Variants in RGS7 observed in about 807,000 individuals in gnomAD.
The protein encoded by RGS7 is regulator of G-protein signaling 7.
Under a neutral mutation model 81.1 loss-of-function variants are expected in RGS7, and 27 were observed. The ratio of observed to expected loss-of-function variants is 0.33; its 90% CI spans 0.25 to 0.46. The LOEUF (loss-of-function observed/expected upper bound fraction) is 0.46. RGS7 is among the 20% of genes least tolerant of loss of function. The probability of loss-of-function intolerance (pLI) is 1.00; values close to 1 mark genes in which losing one functional copy is unlikely to be tolerated. For synonymous variants in RGS7, 208 were observed against 207.7 expected (o/e 1.00, Z -0.01); for missense variants, 396 against 607.4 (o/e 0.65, Z 3.66).
At chr1:241,159,889 C>A (rs1400646096) in intron 2 of RGS7, among the ~76,000 whole-genome samples, 2 of 151,930 alleles carry the variant, frequency 1.3e-5, no homozygotes, top group Non-Finnish European at 2.9e-5. Context: ...GAAAGAAAAC[C>A]TGCTCCTTGG....
At chr1:240,902,431 C>T (rs1413786409) in intron 6 of RGS7, among the ~76,000 whole-genome samples, 2 of 152,088 alleles carry the variant, frequency 1.3e-5, no homozygotes, top group South Asian at 2.1e-4. Flanking sequence ...CTGGAGTACA[C>T]TATCATTACA....
At chr1:240,930,153 T>C (rs1025415182) in intron 6 of RGS7, among the ~76,000 whole-genome samples, 9 of 151,956 alleles carry the variant, frequency 5.9e-5, no homozygotes, top group Non-Finnish European at 1.3e-4. Flanking sequence ...AGTGAAATAA[T>C]GGCTGTTGAA....
At chr1:241,335,851 G>C (rs2082214342) in intron 2 of RGS7, among the ~76,000 whole-genome samples, 1 of 152,078 alleles carries the variant, frequency 6.6e-6, no homozygotes, top group African/African-American at 2.4e-5. Flanking sequence ...ATCAATATGG[G>C]GTTGTGGATT....
chr1:241,246,277 T>C (rs1413784573), intron 2 of RGS7, among the ~76,000 whole-genome samples: 1 of 151,910 alleles, frequency 6.6e-6, no homozygotes, highest in African/African-American at 2.4e-5. Flanking sequence ...GATATAATTA[T>C]AGAAGGGAAG....
chr1:241,162,648 G>A (rs987980259), intron 2 of RGS7, among the ~76,000 whole-genome samples: 5 of 152,156 alleles, frequency 3.3e-5, no homozygotes, highest in African/African-American at 1.2e-4. Flanking sequence ...CTCTCCCGCT[G>A]CCTTAAACCC....
At chr1:241,255,524 G>C (rs2077018817) in intron 2 of RGS7, among the ~76,000 whole-genome samples, 1 of 152,158 alleles carries the variant, frequency 6.6e-6, no homozygotes, top group Non-Finnish European at 1.5e-5. Flanking sequence ...GAACTTGAGG[G>C]AACACAAGAA....
chr1:241,186,150 C>T (rs2072079756), intron 2 of RGS7, among the ~76,000 whole-genome samples: 1 of 152,084 alleles, frequency 6.6e-6, no homozygotes, highest in Non-Finnish European at 1.5e-5. Context: ...ATCACAAAGA[C>T]AGCATCAATA....
At chr1:241,257,712 C>T (rs896748330) in intron 2 of RGS7, among the ~76,000 whole-genome samples, 12 of 152,258 alleles carry the variant, frequency 7.9e-5, no homozygotes, top group South Asian at 2.1e-4. Context: ...CATTCTCCTA[C>T]CCTCCTTGCA....
At chr1:240,983,858 T>C (rs1471420880) in intron 3 of RGS7, among the ~76,000 whole-genome samples, 3 of 152,198 alleles carry the variant, frequency 2.0e-5, no homozygotes, top group Non-Finnish European at 4.4e-5. Flanking sequence ...ATTTGGAGCA[T>C]AGTAAGTGCT....
At chr1:240,905,441 A>G (rs1315139913) in intron 6 of RGS7, among the ~76,000 whole-genome samples, 1 of 152,222 alleles carries the variant, frequency 6.6e-6, no homozygotes, top group African/African-American at 2.4e-5. Flanking sequence ...TGACTGAGTA[A>G]CCATGTATGA....
intron 9 of RGS7, among the ~76,000 whole-genome samples, chr1:240,832,808 C>T (rs553653513): frequency 6.6e-6 from 1 of 152,172 alleles, no homozygotes; most frequent in South Asian, 2.1e-4. Context: ...GAGCTGATAG[C>T]AAGACATCAA....
At chr1:240,793,662 G>T (rs1857154) in intron 18 of RGS7, among the ~76,000 whole-genome samples, 95,487 of 139,538 alleles carry the variant, frequency 0.68, 32,989 homozygotes, top group African/African-American at 0.71. Flanking sequence ...CAGGCTGGAG[G>T]GCAGTGGCAT....
At chr1:241,329,387 CAGTT>C (rs1227760964) in intron 2 of RGS7, among the ~76,000 whole-genome samples, 1 of 152,148 alleles carries the variant, frequency 6.6e-6, no homozygotes, top group African/African-American at 2.4e-5. Flanking sequence ...GTACAATAGT[CAGTT>C]GGTTGCTTAC....
intron 2 of RGS7, among the ~76,000 whole-genome samples, chr1:241,101,420 C>A (rs1328610647): frequency 6.6e-6 from 1 of 152,012 alleles, no homozygotes; most frequent in East Asian, 1.9e-4. Context: ...CACCTGAACC[C>A]CAGAGGCAGA....
chr1:240,918,413 T>C (rs902578204), intron 6 of RGS7, among the ~76,000 whole-genome samples: 2 of 151,938 alleles, frequency 1.3e-5, no homozygotes, highest in Non-Finnish European at 2.9e-5. Flanking sequence ...TCTCAAACAA[T>C]AGAATTAAAC....
At chr1:241,187,967 A>G (rs2072274736) in intron 2 of RGS7, among the ~76,000 whole-genome samples, 1 of 152,206 alleles carries the variant, frequency 6.6e-6, no homozygotes, top group African/African-American at 2.4e-5. Flanking sequence ...AGATGAAGAG[A>G]GGATGGTAAA....
chr1:241,114,692 T>G (rs938339040), intron 2 of RGS7, among the ~76,000 whole-genome samples: 1 of 152,220 alleles, frequency 6.6e-6, no homozygotes, highest in Non-Finnish European at 1.5e-5. Flanking sequence ...TGTATAAGAA[T>G]TGTCAAAATA....
intron 3 of RGS7, among the ~76,000 whole-genome samples, chr1:241,015,515 C>G (rs371300238): frequency 2.6e-5 from 4 of 152,208 alleles, no homozygotes; most frequent in South Asian, 2.1e-4. Context: ...TTCATAGAAG[C>G]ATTTATAAAC....
intron 6 of RGS7, among the ~76,000 whole-genome samples, chr1:240,916,661 G>A (rs1380574339): frequency 6.6e-6 from 1 of 152,176 alleles, no homozygotes; most frequent in African/African-American, 2.4e-5. Context: ...CAGGAGATGG[G>A]CCTATACAGG....
Sources: gnomAD v4.1 joint callset for allele counts (sites outside exome capture counted in the v4.1 genomes callset) on GRCh38, gnomAD v4.1.1 for gene constraint, MANE v1.5 for transcripts, NCBI Gene and HGNC (gene_info 2026-07-23, HGNC 2026-07-21) for gene names.